The following SLC7A6OS variants were observed in gnomAD, a reference collection of about 807,000 sequenced individuals.
SLC7A6OS encodes probable RNA polymerase II nuclear localization protein SLC7A6OS.
Under a neutral mutation model 34.3 loss-of-function variants are expected in SLC7A6OS, and 22 were observed. The ratio of observed to expected loss-of-function variants is 0.64; its 90% CI spans 0.46 to 0.92. The LOEUF (loss-of-function observed/expected upper bound fraction) is 0.92. Ranked by LOEUF, SLC7A6OS falls within the 40% of genes least tolerant of loss-of-function variation. The probability of loss-of-function intolerance (pLI) is 0.00; values close to 1 mark genes in which losing one functional copy is unlikely to be tolerated. For missense variants in SLC7A6OS, 434 were observed against 407.7 expected, an observed-to-expected ratio of 1.06 and a Z score of -0.56; for synonymous variants, 199 against 165.0, an observed-to-expected ratio of 1.21 and a Z score of -1.58.
intron 2 of SLC7A6OS, among the ~76,000 whole-genome samples, chr16:68,307,610 A>G (rs1210629656): frequency 6.6e-6 from 1 of 152,222 alleles, no homozygotes; most frequent in Admixed American, 6.5e-5. Context: ...TATGTAAAAC[A>G]TGGCTCCCAT....
In SLC7A6OS at chr16:68,300,275, T is replaced by C. The variant is rs905977531; in HGVS notation, c.*1000A>G. 2.6e-5 allele frequency: 4 copies of C among 152,246 alleles called. No homozygotes were observed. The East Asian group carries it at 5.8e-4, about 22-fold the overall frequency. 9.4% of individuals were successfully genotyped at this position (152,246 alleles called of 1,614,324 possible). ...TACTACACAGTGCAGACACAGAACATATCATCACTGCAGATAGTTCTACTG... is the reference window on the plus strand; with the variant it reads ...TACTACACAGTGCAGACACAGAACACATCATCACTGCAGATAGTTCTACTG... On this transcript the variant is annotated 3_prime_UTR_variant, in exon 5 of 5. Transcript: ENST00000263997.
rs28437198 is a variant in SLC7A6OS at position 68,305,187 on chromosome 16, C to T, written c.472-955G>A. On this transcript the variant is annotated intron_variant, in intron 2 of 4. Transcript: ENST00000263997. ...TCTCTTTGGGGATCAGTAGGTCCAC[C>T]GTAGCACCCCTATGGCTGAACCTGA... Among the ~76,000 whole-genome samples the T allele has an allele frequency of 8.3e-3, 1,267 of 152,190 alleles. 25 individuals carry two copies. The highest frequency in any genetic ancestry group is 0.029 in the African/African-American group (1,206 of 41,512).
Position 68,310,586 on chromosome 16 carries a change from C to T in SLC7A6OS, c.220G>A (p.Glu74Lys). The part of the protein sequence containing the change: ...QEEPVQPLLR[E>K]VLRPSRDSQQ... The stretch of plus-strand genomic sequence containing the variant: ...CTGTCCCGTGACGGGCGCAGAACTT[C>T]CCGCAGGAGAGGCTGGACTGGTTCC... The change falls in exon 2 of 5, where the codon GAA becomes AAA. Residue 74 changes from glutamate to lysine, a missense_variant. Glu to Lys is a moderately conservative substitution (Grantham distance 56). Transcript: ENST00000263997. 6.3e-7 allele frequency: 1 copy of T among 1,594,496 alleles called. No homozygotes were observed. The highest frequency in any genetic ancestry group is 8.5e-7 in the Non-Finnish European group (1 of 1,171,846).
At chr16:68,305,829 G>A (rs2043322202) in intron 2 of SLC7A6OS, among the ~76,000 whole-genome samples, 1 of 152,202 alleles carries the variant, frequency 6.6e-6, no homozygotes, top group Non-Finnish European at 1.5e-5. Context: ...GGAAGCCAAG[G>A]TCGGAGGAAT....
intron 2 of SLC7A6OS, among the ~76,000 whole-genome samples, chr16:68,307,051 A>G (rs1734865489): frequency 6.6e-6 from 1 of 152,220 alleles, no homozygotes; most frequent in African/African-American, 2.4e-5. Flanking sequence ...TGTTAAACAT[A>G]TATATTTTCG....
In SLC7A6OS at chr16:68,310,900, G is replaced by C. The variant is rs1039077727; in HGVS notation, c.27C>G (p.Leu9=). Residue 9 remains leucine, a synonymous_variant, in exon 1 of 5, where the codon CTC becomes CTG. Coordinates refer to ENST00000263997, the MANE Select transcript of SLC7A6OS (RefSeq NM_032178.3). MEAARTAV[L]RVKRKRSAEP... ...CCGCACTGCGCTTCCGCTTCACCCG[G>C]AGTACAGCGGTCCTGGCGGCCTCCA... The C allele has an allele frequency of 1.3e-6, 2 of 1,597,576 alleles. No individual in the cohort carries two copies. The highest frequency in any genetic ancestry group is 1.7e-6 in the Non-Finnish European group (2 of 1,174,314).
Position 68,300,683 on chromosome 16 carries a change from C to T in SLC7A6OS, c.*592G>A, listed in dbSNP as rs1057244083. 2.0e-6 allele frequency: 2 copies of T among 985,354 alleles called. No individual in the cohort carries two copies. The highest frequency in any genetic ancestry group is 1.1e-4 in the East Asian group (1 of 8,836). 61.0% of individuals were successfully genotyped at this position (985,354 alleles called of 1,614,324 possible). On this transcript the variant is annotated 3_prime_UTR_variant, in exon 5 of 5. Coordinates refer to ENST00000263997, the MANE Select transcript of SLC7A6OS (RefSeq NM_032178.3). The stretch of plus-strand genomic sequence containing the variant: ...TCATATATATTGTTTCTTGGCCCCA[C>T]TGCCAAAGGAAGTCAGTCAGTAATT...
In SLC7A6OS at chr16:68,310,336, T is replaced by C. The variant is rs2043448285; in HGVS notation, c.470A>G (p.Lys157Arg). The stretch of plus-strand genomic sequence containing the variant: ...GACCACCTTCAGGGGCATACTCACT[T>C]TGCAGGAGCCTGCAGAGGCGGCTTC... The part of the protein sequence containing the change: ...EPEAASAGSC[K>R]TSDPDVILCN... The change falls in exon 2 of 5, where the codon AAA (lysine) becomes AGA (arginine). Residue 157 changes from lysine to arginine, a missense_variant and splice_region_variant. By Grantham distance (26) the Lys-to-Arg change is conservative. Transcript: ENST00000263997. The C allele has an allele frequency of 1.3e-6, 2 of 1,598,290 alleles. No individual in the cohort carries two copies. Among genetic ancestry groups the C allele is most frequent in the Non-Finnish European group, 8.6e-7 (1 of 1,169,310 alleles).
chr16:68,304,907 G>A (rs1240006117), intron 2 of SLC7A6OS, among the ~76,000 whole-genome samples: 1 of 152,148 alleles, frequency 6.6e-6, no homozygotes, highest in Non-Finnish European at 1.5e-5. Flanking sequence ...ACAAAAATTA[G>A]CTGGGTGTGG....
rs1378001234 is a variant in SLC7A6OS, at chr16:68,300,821, G to C, written c.*454C>G. ...TACTATCCAGTCTGTATTGCTACAA[G>C]GGACCCACTGGTACCCCTTTTAGAT... On this transcript the variant is annotated 3_prime_UTR_variant, in exon 5 of 5. Coordinates refer to ENST00000263997, the MANE Select transcript of SLC7A6OS (RefSeq NM_032178.3). The C allele has an allele frequency of 1.0e-6, 1 of 986,086 alleles. No individual in the cohort carries two copies. Among genetic ancestry groups the C allele is most frequent in the Non-Finnish European group, 1.2e-6 (1 of 830,526 alleles). The allele number at this position is 986,086 out of a possible 1,614,324, so 61.1% of individuals were successfully genotyped here. A position where few individuals can be genotyped will look rare whatever the true frequency, so the allele number is the denominator to read the frequency against.
Position 68,301,245 on chromosome 16 carries a change from T to A in SLC7A6OS, c.*30A>T. ...TGGACTCAGAGCCCTCAAGGGCATG[T>A]GGCAGAACCTCATGGACATCACAAG... On this transcript the variant is annotated 3_prime_UTR_variant, in exon 5 of 5. Transcript: ENST00000263997. 6.2e-7 allele frequency: 1 copy of A among 1,608,114 alleles called. No homozygotes were observed. Among genetic ancestry groups the A allele is most frequent in the Non-Finnish European group, 8.5e-7 (1 of 1,176,228 alleles).
At chr16:68,303,989 GA>G (rs1464657488) in intron 3 of SLC7A6OS, 36 bp downstream of exon 3, 4 of 1,569,148 alleles carry the variant, frequency 2.5e-6, no homozygotes, top group Non-Finnish European at 2.6e-6. Flanking sequence ...AAGAGCTTAG[GA>G]TGCCTCATGC....
At chr16:68,304,310 G>C (rs1184920810) in intron 2 of SLC7A6OS, 78 bp from the exon 3 acceptor site, 1 of 1,310,582 alleles carries the variant, frequency 7.6e-7, no homozygotes, top group East Asian at 2.3e-5. Flanking sequence ...TATGAGTTGG[G>C]TGAAGGAAGG....
In SLC7A6OS at chr16:68,310,741, G is replaced by A. The variant is rs181601375; in HGVS notation, c.186C>T (p.Cys62=). 6.2e-7 allele frequency: 1 copy of A among 1,607,158 alleles called. No individual in the cohort carries two copies. The stretch of plus-strand genomic sequence containing the variant: ...GCTGCACCACGCCCAATACCTGGGA[G>A]CACACAGTGGCCACCAAGTGGAAGA... ...NNVFHLVATV[C]SQEEPVQPLL... is the part of the protein sequence containing the mutation. Residue 62 remains cysteine, a synonymous_variant, in exon 1 of 5, where the codon TGC becomes TGT. Coordinates refer to ENST00000263997, the MANE Select transcript of SLC7A6OS (RefSeq NM_032178.3).
Position 68,299,001 on chromosome 16 carries a change from G to A in SLC7A6OS, c.*2274C>T, listed in dbSNP as rs567093349. 2 of 152,746 alleles carry A rather than the reference G, an allele frequency of 1.3e-5. No homozygotes were observed. Among genetic ancestry groups the A allele is most frequent in the South Asian group, 2.1e-4 (1 of 4,824 alleles). The allele number at this position is 152,746 out of a possible 1,614,324, so 9.5% of individuals were successfully genotyped here. Reference sequence around the variant, plus strand: ...GCCATATATTTGCTCAATAAAGATTGAAGGAAGCATGGTCATAGTTGCCCT... The same window carrying A: ...GCCATATATTTGCTCAATAAAGATTAAAGGAAGCATGGTCATAGTTGCCCT... On this transcript the variant is annotated 3_prime_UTR_variant, in exon 5 of 5. Coordinates refer to ENST00000263997, the MANE Select transcript of SLC7A6OS (RefSeq NM_032178.3).
At chr16:68,305,645 C>G (rs142148650) in intron 2 of SLC7A6OS, among the ~76,000 whole-genome samples, 72 of 152,272 alleles carry the variant, frequency 4.7e-4, no homozygotes, top group African/African-American at 1.4e-3. Context: ...GCTCCAAAGT[C>G]AAAAAGAAGC....
rs1364878946 is a variant in SLC7A6OS, at chr16:68,298,807, A to G, written c.*2468T>C. ...GAGCAGGACGGCTGCATTGGATTGT[A>G]CAACTGTTTTGTGATGCCCCCAGAC... On this transcript the variant is annotated 3_prime_UTR_variant, in exon 5 of 5. Coordinates refer to ENST00000263997, the MANE Select transcript of SLC7A6OS (RefSeq NM_032178.3). The G allele has an allele frequency of 6.6e-6, 1 of 152,364 alleles. No homozygotes were observed. Among genetic ancestry groups the G allele is most frequent in the Non-Finnish European group, 1.5e-5 (1 of 68,106 alleles). 9.4% of individuals were successfully genotyped at this position (152,364 alleles called of 1,614,324 possible).
chr16:68,302,637 C>T, intron 3 of SLC7A6OS, 136 bp from the exon 4 acceptor site: 1 of 932,028 alleles, frequency 1.1e-6, no homozygotes, highest in Non-Finnish European at 1.7e-6. Flanking sequence ...AGTAGTTTGA[C>T]TCCATTGCAC....
chr16:68,301,484 G>A (rs1240700515), intron 4 of SLC7A6OS, 79 bp from the exon 5 acceptor site: 1 of 1,295,108 alleles, frequency 7.7e-7, no homozygotes, highest in East Asian at 2.5e-5. Context: ...TCTCAGAAAG[G>A]TCTGTTTTTG....
Sources: allele counts gnomAD v4.1 joint callset (sites outside exome capture counted in the v4.1 genomes callset), GRCh38; gene constraint gnomAD v4.1.1; transcripts MANE v1.5; gene names NCBI Gene and HGNC (gene_info 2026-07-23, HGNC 2026-07-21).